Variants in APOOL observed in about 807,000 individuals in gnomAD.
APOOL encodes MICOS complex subunit MIC27.
In APOOL, 12 loss-of-function variants were observed where a neutral mutation model predicts 23.1. That is an observed-to-expected ratio of 0.52 (90% CI 0.33 to 0.84). The LOEUF (loss-of-function observed/expected upper bound fraction) is 0.84. Ranked by LOEUF, APOOL falls within the 40% of genes least tolerant of loss-of-function variation. APOOL has a pLI of 0.02. For synonymous variants in APOOL, 77 were observed against 69.9 expected (o/e 1.10, Z -0.51); for missense variants, 212 against 199.6 (o/e 1.06, Z -0.37).
At chrX:85,023,400 G>A (rs757660185) in intron 1 of APOOL, among the ~76,000 whole-genome samples, 1 of 111,716 alleles carries the variant, frequency 9.0e-6, no homozygotes, top group South Asian at 3.7e-4. Context: ...TTAAAACAGG[G>A]ATGAAATGGA....
intron 1 of APOOL, among the ~76,000 whole-genome samples, chrX:85,035,330 T>C (rs1308308893): frequency 9.0e-6 from 1 of 111,377 alleles, no homozygotes; most frequent in Non-Finnish European, 1.9e-5. Flanking sequence ...TGTTCGATTG[T>C]CTAAGTTTTG....
intron 1 of APOOL, among the ~76,000 whole-genome samples, chrX:85,020,685 C>T (rs988475482): frequency 9.0e-6 from 1 of 111,616 alleles, no homozygotes; most frequent in African/African-American, 3.3e-5. Flanking sequence ...CTTAAGCTCT[C>T]GGCTACCCCC....
At chrX:85,071,877 G>A (rs1366886488) in intron 6 of APOOL, among the ~76,000 whole-genome samples, 1 of 112,014 alleles carries the variant, frequency 8.9e-6, no homozygotes, top group African/African-American at 3.2e-5. Context: ...GACGGATCAC[G>A]AGGTCAGGAG....
intron 1 of APOOL, among the ~76,000 whole-genome samples, chrX:85,029,622 A>G (rs1921963898): frequency 9.0e-6 from 1 of 111,712 alleles, no homozygotes; most frequent in Admixed American, 9.5e-5. Context: ...TATAATGGAA[A>G]TTTGTTGTGT....
At chrX:85,023,724 G>A in intron 1 of APOOL, among the ~76,000 whole-genome samples, 1 of 112,250 alleles carries the variant, frequency 8.9e-6, no homozygotes, top group East Asian at 2.8e-4. Context: ...TAAGGCAACA[G>A]AGTAGAGTCC....
At chrX:85,086,479 A>G (rs1924294492) in intron 8 of APOOL, among the ~76,000 whole-genome samples, 1 of 111,518 alleles carries the variant, frequency 9.0e-6, no homozygotes, top group Non-Finnish European at 1.9e-5. Context: ...CAGTTTCTCA[A>G]GTTGAAGAGT....
intron 1 of APOOL, among the ~76,000 whole-genome samples, chrX:85,007,467 A>G (rs1002787775): frequency 1.8e-5 from 2 of 111,684 alleles, no homozygotes; most frequent in African/African-American, 6.5e-5. Context: ...GTTCAAAAAG[A>G]GTAGGAGAGT....
At chrX:85,082,866 T>G in intron 8 of APOOL, among the ~76,000 whole-genome samples, 1 of 111,866 alleles carries the variant, frequency 8.9e-6, no homozygotes, top group East Asian at 2.8e-4. Flanking sequence ...GTTGCCAGAT[T>G]TTTTGTGGAT....
rs1159336494 is a variant in APOOL at position 85,087,903 on chromosome X, G to A, written c.*225G>A. The A allele has an allele frequency of 7.4e-6, 2 of 268,501 alleles. No individual in the cohort carries two copies. The highest frequency in any genetic ancestry group is 1.3e-5 in the Non-Finnish European group (2 of 153,243). 22.1% of individuals were successfully genotyped at this position (268,501 alleles called of 1,213,427 possible). On this transcript the variant is annotated 3_prime_UTR_variant, in exon 9 of 9. Transcript: ENST00000373173. Reference sequence around the variant, plus strand: ...TTAAATGATTGATGAGGAGACTTAGGTAGAAGTATTAGCTTGCATTTGATG... The same window carrying A: ...TTAAATGATTGATGAGGAGACTTAGATAGAAGTATTAGCTTGCATTTGATG...
chrX:85,031,209 T>G (rs1922025567), intron 1 of APOOL, among the ~76,000 whole-genome samples: 1 of 111,938 alleles, frequency 8.9e-6, no homozygotes, highest in Admixed American at 9.5e-5. Context: ...ACAATTTCAG[T>G]TTCGCTTTAG....
intron 7 of APOOL, 64 bp from the exon 8 acceptor site, chrX:85,074,210 G>T: frequency 1.7e-6 from 2 of 1,183,685 alleles, no homozygotes; most frequent in South Asian, 3.7e-5. Flanking sequence ...GATAAAATGA[G>T]AAAGTAGATG....
chrX:85,070,006 T>C (rs984316783), intron 6 of APOOL, among the ~76,000 whole-genome samples: 2 of 111,795 alleles, frequency 1.8e-5, no homozygotes, highest in African/African-American at 6.5e-5. Context: ...TGTTTAATTA[T>C]AAGTAAAACT....
chrX:85,026,297 G>C (rs1413283656), intron 1 of APOOL, among the ~76,000 whole-genome samples: 1 of 113,068 alleles, frequency 8.8e-6, no homozygotes, highest in African/African-American at 3.2e-5. Flanking sequence ...ATGGGGCCCT[G>C]AGCCTGGCCT....
chrX:85,035,682 C>A (rs1922194473), intron 1 of APOOL, among the ~76,000 whole-genome samples: 1 of 111,547 alleles, frequency 9.0e-6, no homozygotes, highest in African/African-American at 3.3e-5. Flanking sequence ...CACCAGTTAT[C>A]CCAGCACCAC....
At chrX:85,060,756 C>T (rs955585862) in intron 5 of APOOL, among the ~76,000 whole-genome samples, 2 of 111,631 alleles carry the variant, frequency 1.8e-5, no homozygotes, top group Non-Finnish European at 3.8e-5. Flanking sequence ...GCTGAAGTTG[C>T]GTATCAGCTT....
Position 85,087,868 on chromosome X carries a change from G to A in APOOL, c.*190G>A. 2.9e-6 allele frequency: 1 copy of A among 345,683 alleles called. No homozygotes were observed. The allele number at this position is 345,683 out of a possible 1,213,427, so 28.5% of individuals were successfully genotyped here. ...TTAACACACAAACTGTGAATGCAGT[G>A]TAAACAATATTAAATGATTGATGAG... On this transcript the variant is annotated 3_prime_UTR_variant, in exon 9 of 9. Coordinates refer to ENST00000373173, the MANE Select transcript of APOOL (RefSeq NM_198450.6).
At chrX:85,034,829 A>G (rs1438301392) in intron 1 of APOOL, among the ~76,000 whole-genome samples, 1 of 112,142 alleles carries the variant, frequency 8.9e-6, no homozygotes, top group African/African-American at 3.2e-5. Flanking sequence ...TCCATGGTGT[A>G]TATGTATCTC....
At chrX:85,004,663 G>A (rs1459401168) in intron 1 of APOOL, among the ~76,000 whole-genome samples, 2 of 112,060 alleles carry the variant, frequency 1.8e-5, no homozygotes, top group Non-Finnish European at 3.8e-5. Context: ...AGCGTCTACA[G>A]TTCTGGTTCT....
chrX:85,056,647 G>T (rs2147650157), intron 5 of APOOL, among the ~76,000 whole-genome samples: 1 of 111,057 alleles, frequency 9.0e-6, no homozygotes, highest in African/African-American at 3.3e-5. Flanking sequence ...GGAGGCTGAG[G>T]CAGGAGAATC....
Sources: allele counts gnomAD v4.1 joint callset (sites outside exome capture counted in the v4.1 genomes callset), GRCh38; gene constraint gnomAD v4.1.1; transcripts MANE v1.5; gene names NCBI Gene and HGNC (gene_info 2026-07-23, HGNC 2026-07-21).